Variants in VPS8 observed in about 807,000 individuals in gnomAD.
VPS8 encodes the protein VPS8 subunit of CORVET complex, also known as vacuolar protein sorting-associated protein 8 homolog.
In VPS8, 129 loss-of-function variants were observed where a neutral mutation model predicts 216.4. The ratio of observed to expected loss-of-function variants is 0.60; its 90% CI spans 0.52 to 0.69. The LOEUF is 0.69. Ranked by LOEUF, VPS8 falls within the 30% of genes least tolerant of loss-of-function variation. The pLI is 0.00. For synonymous variants in VPS8, 571 were observed against 565.4 expected (o/e 1.01, Z -0.14); for missense variants, 1,531 against 1,683.5 (o/e 0.91, Z 1.59).
Position 184,886,119 on chromosome 3 carries a change from C to T in VPS8, c.1744C>T (p.Pro582Ser), listed in dbSNP as rs1196302539. 3 of 1,609,436 alleles carry T rather than the reference C, an allele frequency of 1.9e-6. No homozygotes were observed. The highest frequency in any genetic ancestry group is 1.7e-4 in the Middle Eastern group (1 of 6,058). The change falls in exon 22 of 48, where the codon CCT (proline) becomes TCT (serine). Residue 582 changes from proline to serine, a missense_variant. Transcript: ENST00000625842. ...TATGGTTCCTCTACAGGATATGGTG[C>T]CTGTCATAGTTGATTACTGCCTTCT... Reference protein sequence around the residue: ...VMEQHFQDMVPVIVDYCLLLQ... With the variant: ...VMEQHFQDMVSVIVDYCLLLQ...
intron 45 of VPS8, among the ~76,000 whole-genome samples, chr3:185,017,260 C>T (rs983512840): frequency 3.3e-5 from 5 of 152,028 alleles, no homozygotes; most frequent in African/African-American, 4.8e-5. Flanking sequence ...TTAAATTGAG[C>T]AGGTTGAATT....
intron 37 of VPS8, among the ~76,000 whole-genome samples, chr3:184,958,159 G>A (rs1261725537): frequency 6.6e-6 from 1 of 152,154 alleles, no homozygotes; most frequent in Middle Eastern, 3.2e-3. Flanking sequence ...TGGGTTAGTG[G>A]TTTTGACGTA....
chr3:184,860,450 T>G (rs1396314362), intron 15 of VPS8, among the ~76,000 whole-genome samples: 3 of 138,126 alleles, frequency 2.2e-5, no homozygotes, highest in Non-Finnish European at 3.0e-5. Context: ...TATATGTATA[T>G]GTATGTATAC....
At chr3:184,883,783 G>T (rs950671505) in intron 21 of VPS8, among the ~76,000 whole-genome samples, 3 of 151,992 alleles carry the variant, frequency 2.0e-5, no homozygotes, top group African/African-American at 7.3e-5. Context: ...TTAGTACCAG[G>T]CCAGGCACTT....
chr3:184,882,364 T>TA (rs1431056260), intron 21 of VPS8: 2 of 455,308 alleles, frequency 4.4e-6, no homozygotes, highest in Admixed American at 4.7e-5. Context: ...TGGCATGGCA[T>TA]ATCGTAATGA....
intron 21 of VPS8, among the ~76,000 whole-genome samples, chr3:184,885,550 A>G (rs1052487798): frequency 1.3e-5 from 2 of 152,194 alleles, no homozygotes; most frequent in Admixed American, 6.5e-5. Context: ...AATATGGGCA[A>G]CCTAAATCAC....
chr3:184,843,326 C>G, intron 8 of VPS8, 81 bp downstream of exon 8: 2 of 1,057,502 alleles, frequency 1.9e-6, no homozygotes, highest in Non-Finnish European at 2.5e-6. Flanking sequence ...CAATTATAGT[C>G]AATGTCCTCT....
At chr3:184,870,424 C>G (rs1468069081) in intron 20 of VPS8, among the ~76,000 whole-genome samples, 2 of 152,132 alleles carry the variant, frequency 1.3e-5, no homozygotes, top group Non-Finnish European at 2.9e-5. Flanking sequence ...AGGGAAACAC[C>G]TACAGCGAGG....
chr3:185,017,263 G>T (rs1254064946), intron 45 of VPS8, among the ~76,000 whole-genome samples: 1 of 152,140 alleles, frequency 6.6e-6, no homozygotes, highest in East Asian at 1.9e-4. Context: ...AATTGAGCAG[G>T]TTGAATTGGC....
At chr3:184,926,017 C>T (rs762992405) in intron 30 of VPS8, among the ~76,000 whole-genome samples, 15 of 150,688 alleles carry the variant, frequency 1.0e-4, no homozygotes, top group Admixed American at 1.3e-4. Context: ...TCAAGTGATC[C>T]GCCCTCCTCG....
At chr3:185,047,426 G>A (rs1713181830) in intron 46 of VPS8, among the ~76,000 whole-genome samples, 1 of 152,174 alleles carries the variant, frequency 6.6e-6, no homozygotes, top group African/African-American at 2.4e-5. Context: ...TATGCTGCTA[G>A]TAATTGCTAA....
intron 45 of VPS8, among the ~76,000 whole-genome samples, chr3:185,011,625 G>A (rs1229790649): frequency 1.3e-5 from 2 of 152,170 alleles, no homozygotes; most frequent in Non-Finnish European, 2.9e-5. Flanking sequence ...GAATGTAAAT[G>A]TTGCTATGTT....
intron 36 of VPS8, among the ~76,000 whole-genome samples, chr3:184,952,411 C>T (rs1009058056): frequency 1.3e-5 from 2 of 152,168 alleles, no homozygotes; most frequent in African/African-American, 4.8e-5. Context: ...TCCTTGCCAA[C>T]TGAAGAATCA....
intron 46 of VPS8, among the ~76,000 whole-genome samples, chr3:185,029,266 CAG>C (rs1329631073): frequency 1.3e-5 from 2 of 152,182 alleles, no homozygotes; most frequent in Admixed American, 6.5e-5. Context: ...GTCTGTTGAA[CAG>C]AGTGACTGCC....
chr3:184,933,265 A>T (rs2109260489), intron 34 of VPS8, among the ~76,000 whole-genome samples: 1 of 152,278 alleles, frequency 6.6e-6, no homozygotes, highest in South Asian at 2.1e-4. Context: ...TGGATGTGTA[A>T]TGATACCTAA....
intron 1 of VPS8, among the ~76,000 whole-genome samples, chr3:184,818,374 T>A (rs1393087842): frequency 6.6e-6 from 1 of 151,808 alleles, no homozygotes; most frequent in Non-Finnish European, 1.5e-5. Flanking sequence ...ATTCAAAAAA[T>A]TAGCTGGGCA....
At chr3:185,030,851 C>G (rs145116319) in intron 46 of VPS8, among the ~76,000 whole-genome samples, 4 of 152,082 alleles carry the variant, frequency 2.6e-5, no homozygotes, top group East Asian at 1.9e-4. Context: ...CAGCCTCAGA[C>G]TCCTGGGCTC....
At position 184,915,561 on chromosome 3, in the gene VPS8, C is replaced by T. The variant is rs1014523393; in HGVS notation, c.2382+87C>T. The T allele has an allele frequency of 9.4e-5, 134 of 1,433,048 alleles. No homozygotes were observed. The African/African-American group carries it at 1.7e-3, about 19-fold the overall frequency. 88.8% of individuals were successfully genotyped at this position (1,433,048 alleles called of 1,614,324 possible). A position where few individuals can be genotyped will look rare whatever the true frequency, so the allele number is the denominator to read the frequency against. On this transcript the variant is annotated intron_variant, in intron 28 of 47. Coordinates refer to ENST00000625842, the MANE Select transcript of VPS8 (RefSeq NM_001009921.3). ...GGTGTGGTGGCTCACCCCTGTAATC[C>T]CAACACTTTGGCCGAGGCAGGCAGA... is the stretch of plus-strand genomic sequence containing the variant.
chr3:185,016,042 G>A (rs189417042), intron 45 of VPS8, among the ~76,000 whole-genome samples: 112 of 152,306 alleles, frequency 7.4e-4, no homozygotes, highest in African/African-American at 2.3e-3. Context: ...CTGCCTCAGC[G>A]TCTTTTGTTA....
Sources: gnomAD v4.1 joint callset for allele counts (sites outside exome capture counted in the v4.1 genomes callset) on GRCh38, gnomAD v4.1.1 for gene constraint, MANE v1.5 for transcripts, NCBI Gene and HGNC (gene_info 2026-07-23, HGNC 2026-07-21) for gene names.